The following AVL9 variants were observed in gnomAD, a reference collection of about 807,000 sequenced individuals.
The protein encoded by AVL9 is late secretory pathway protein AVL9 homolog.
Under a neutral mutation model 79.2 loss-of-function variants are expected in AVL9, and 49 were observed. The ratio of observed to expected loss-of-function variants is 0.62; its 90% confidence interval spans 0.49 to 0.79. The LOEUF (loss-of-function observed/expected upper bound fraction) is 0.79. Ranked by LOEUF, AVL9 falls within the 30% of genes least tolerant of loss-of-function variation. AVL9 has a pLI of 0.00. For missense variants in AVL9, 682 were observed against 776.8 expected (o/e 0.88, Z 1.45); for synonymous variants, 299 against 280.6 (o/e 1.07, Z -0.65).
chr7:32,528,545 C>G (rs1467334772), intron 1 of AVL9, among the ~76,000 whole-genome samples: 1 of 152,126 alleles, frequency 6.6e-6, no homozygotes, highest in Non-Finnish European at 1.5e-5. Context: ...GCCCTCTTCA[C>G]CAACCCTGAG....
chr7:32,577,608 T>A (rs145915970), intron 13 of AVL9, among the ~76,000 whole-genome samples: 1,635 of 152,188 alleles, frequency 0.011, 24 homozygotes, highest in African/African-American at 0.037. Context: ...CATCCTAGTC[T>A]CCTCCCTGGG....
intron 1 of AVL9, among the ~76,000 whole-genome samples, chr7:32,524,013 G>A (rs966579821): frequency 6.6e-6 from 1 of 151,762 alleles, no homozygotes. Context: ...GATTACAGGC[G>A]TGAGCCCCTG....
chr7:32,571,535 AAAG>A (rs1297581075), intron 11 of AVL9, among the ~76,000 whole-genome samples: 2 of 152,138 alleles, frequency 1.3e-5, no homozygotes, highest in African/African-American at 4.8e-5. Flanking sequence ...CTCAAAAAAA[AAAG>A]AAGAAAAAAA....
chr7:32,498,667 C>T (rs560610543), intron 1 of AVL9, among the ~76,000 whole-genome samples: 3 of 148,842 alleles, frequency 2.0e-5, no homozygotes, highest in South Asian at 4.2e-4. Context: ...CTGTAGATAG[C>T]GTGTTAGCTT....
chr7:32,543,255 C>A lies in AVL9; in HGVS notation c.208C>A (p.Gln70Lys). 6.2e-7 allele frequency: 1 copy of A among 1,613,900 alleles called. No individual in the cohort carries two copies. The stretch of plus-strand genomic sequence containing the variant: ...CTTACCAGATGGCGCACACAACTAC[C>A]AGGAAGGTATGTAACAAGACAGTGA... ...LALPDGAHNY[Q>K]EDTVFFHLPP... The change falls in exon 2 of 16, where the codon CAG (glutamine) becomes AAG (lysine). Residue 70 changes from glutamine to lysine, a missense_variant. Transcript: ENST00000318709.
intron 1 of AVL9, among the ~76,000 whole-genome samples, chr7:32,503,516 C>T (rs1787269345): frequency 7.1e-6 from 1 of 141,466 alleles, no homozygotes; most frequent in Non-Finnish European, 1.5e-5. Context: ...TGAGATCTTG[C>T]CATTGCACTC....
chr7:32,525,582 T>C (rs1364345491), intron 1 of AVL9, among the ~76,000 whole-genome samples: 1 of 152,170 alleles, frequency 6.6e-6, no homozygotes, highest in East Asian at 1.9e-4. Context: ...ACCCCTAACT[T>C]TTGTTTTTTT....
intron 1 of AVL9, among the ~76,000 whole-genome samples, chr7:32,509,434 A>G (rs762013567): frequency 1.7e-4 from 26 of 152,124 alleles, no homozygotes; most frequent in Non-Finnish European, 3.7e-4. Context: ...CATCAACACA[A>G]CTTACCCTAC....
At chr7:32,520,419 A>G (rs1788089252) in intron 1 of AVL9, among the ~76,000 whole-genome samples, 1 of 152,200 alleles carries the variant, frequency 6.6e-6, no homozygotes, top group South Asian at 2.1e-4. Context: ...TCACTATTGA[A>G]CAATCCCTGA....
At chr7:32,537,810 GCAGTTTC>G (rs919501872) in intron 1 of AVL9, 28 of 152,140 alleles carry the variant, frequency 1.8e-4, no homozygotes, top group African/African-American at 6.3e-4. Flanking sequence ...AGCAATTTCA[GCAGTTTC>G]CAAATGGAAG....
At chr7:32,496,031 A>C (rs1370409877) in intron 1 of AVL9, among the ~76,000 whole-genome samples, 6 of 143,396 alleles carry the variant, frequency 4.2e-5, no homozygotes, top group East Asian at 4.5e-4. Flanking sequence ...TGAGCAGCGG[A>C]GGAGCTGGTT....
intron 1 of AVL9, among the ~76,000 whole-genome samples, chr7:32,512,953 T>A (rs1385991826): frequency 6.6e-6 from 1 of 151,656 alleles, no homozygotes; most frequent in East Asian, 1.9e-4. Flanking sequence ...AATTTGTGTA[T>A]GGGATCCATG....
rs759557265 is a variant in AVL9 at position 32,559,382 on chromosome 7, C to T, written c.1133C>T (p.Thr378Met). 30 of 1,613,564 alleles carry T rather than the reference C, an allele frequency of 1.9e-5. No homozygotes were observed. Among genetic ancestry groups the T allele is most frequent in the South Asian group, 4.4e-5 (4 of 91,050 alleles). Residue 378 changes from threonine (T) to methionine (M), a missense_variant, in exon 10 of 16, where the codon ACG becomes ATG. By Grantham distance (81) the Thr-to-Met change is moderately conservative. Transcript: ENST00000318709. Reference sequence around the variant, plus strand: ...ATTACTGTACAACCTCAAGCTAATACGGGACAGGTAGTCCTGATACCAGGG... The same window carrying T: ...ATTACTGTACAACCTCAAGCTAATATGGGACAGGTAGTCCTGATACCAGGG... The part of the protein sequence containing the change: ...LPITVQPQAN[T>M]GQVVLIPGLI...
At position 32,585,182 on chromosome 7, in the gene AVL9, GTCC is replaced by G. The variant is rs1283775743; in HGVS notation, c.*1280_*1282del. The G allele has an allele frequency of 1.3e-5, 2 of 152,180 alleles. No individual in the cohort carries two copies. Among genetic ancestry groups the G allele is most frequent in the Admixed American group, 1.3e-4 (2 of 15,272 alleles). 9.4% of individuals were successfully genotyped at this position (152,180 alleles called of 1,614,324 possible). A position where few individuals can be genotyped will look rare whatever the true frequency, so the allele number is the denominator to read the frequency against. ...TAGTCTTCTACTTCCCTAACTGAAAGTCCTCCTATAATCAATCCCTACCCCCTT... is the reference window on the plus strand; with the variant it reads ...TAGTCTTCTACTTCCCTAACTGAAAGTCCTATAATCAATCCCTACCCCCTT... On this transcript the variant is annotated 3_prime_UTR_variant, in exon 16 of 16. Coordinates refer to ENST00000318709, the MANE Select transcript of AVL9 (RefSeq NM_015060.3).
At chr7:32,566,832 G>A (rs1457722563) in intron 10 of AVL9, among the ~76,000 whole-genome samples, 1 of 152,152 alleles carries the variant, frequency 6.6e-6, no homozygotes, top group East Asian at 1.9e-4. Context: ...GCAGTGAACC[G>A]AGATCGCGCC....
chr7:32,580,610 T>C lies in AVL9; in HGVS notation c.1743-192T>C, dbSNP rs1012827898. Among the ~76,000 whole-genome samples, 6 of 152,336 alleles carry C rather than the reference T, an allele frequency of 3.9e-5. No individual in the cohort carries two copies. In the South Asian group the frequency reaches 1.2e-3, roughly 32 times the overall value. Reference sequence around the variant, plus strand: ...ATCTGTATGTTCTTCTCGTGTATTCTGAAAATGCACATGCTTAAAAGGTTA... The same window carrying C: ...ATCTGTATGTTCTTCTCGTGTATTCCGAAAATGCACATGCTTAAAAGGTTA... On this transcript the variant is annotated intron_variant, in intron 14 of 15. Transcript: ENST00000318709.
chr7:32,548,965 A>G lies in AVL9; in HGVS notation c.372+47A>G, dbSNP rs78930386. ...TCATTATGTTAAACCTTCATGGCAGATCTTTCTTTAAGGATAAGGCACTAT... is the reference window on the plus strand; with the variant it reads ...TCATTATGTTAAACCTTCATGGCAGGTCTTTCTTTAAGGATAAGGCACTAT... On this transcript the variant is annotated intron_variant, in intron 4 of 15. Transcript: ENST00000318709. 4.8e-3 allele frequency: 6,241 copies of G among 1,288,372 alleles called. 249 individuals are homozygous for G. The African/African-American group carries it at 0.079, about 16-fold the overall frequency. 79.8% of individuals were successfully genotyped at this position (1,288,372 alleles called of 1,614,324 possible).
chr7:32,546,912 A>C (rs560924163), intron 3 of AVL9, among the ~76,000 whole-genome samples: 160 of 152,330 alleles, frequency 1.1e-3, no homozygotes, highest in Non-Finnish European at 1.8e-3. Flanking sequence ...GTTTTCATAT[A>C]CTATTGTAAT....
In AVL9 at chr7:32,543,200, T is replaced by G. The variant is rs79949345; in HGVS notation, c.153T>G (p.Pro51=). The G allele has an allele frequency of 3.1e-6, 5 of 1,614,166 alleles. No homozygotes were observed. The highest frequency in any genetic ancestry group is 4.2e-6 in the Non-Finnish European group (5 of 1,180,014). Residue 51 remains proline (P), a synonymous_variant, in exon 2 of 16, where the codon CCT becomes CCG. Coordinates refer to ENST00000318709, the MANE Select transcript of AVL9 (RefSeq NM_015060.3). ...ATGGACATGACAGCCACACTTTACCTGAAGAATGGAAGTATTTGCCCTTCC... is the reference window on the plus strand; with the variant it reads ...ATGGACATGACAGCCACACTTTACCGGAAGAATGGAAGTATTTGCCCTTCC... The part of the protein sequence containing the change: ...PGDGHDSHTL[P]EEWKYLPFLA...
Sources: gnomAD v4.1 joint callset for allele counts (sites outside exome capture counted in the v4.1 genomes callset) on GRCh38, gnomAD v4.1.1 for gene constraint, MANE v1.5 for transcripts, NCBI Gene and HGNC (gene_info 2026-07-23, HGNC 2026-07-21) for gene names.